Variants in SGCZ observed in about 807,000 individuals in gnomAD.
SGCZ encodes sarcoglycan zeta.
A neutral mutation model predicts 41.3 loss-of-function variants in SGCZ; 40 were observed. The ratio of observed to expected loss-of-function variants is 0.97; its 90% CI spans 0.75 to 1.26. The LOEUF is 1.26. SGCZ is among the 50% of genes most tolerant of loss of function. The pLI, the probability that SGCZ is intolerant of heterozygous loss-of-function variation, is 0.00. For missense variants in SGCZ, 552 were observed against 369.8 expected, an observed-to-expected ratio of 1.49 and a Z score of -4.04; for synonymous variants, 206 against 137.5, an observed-to-expected ratio of 1.50 and a Z score of -3.49.
At chr8:15,209,826 GC>G (rs1801184348) in intron 1 of SGCZ, among the ~76,000 whole-genome samples, 2 of 151,978 alleles carry the variant, frequency 1.3e-5, no homozygotes, top group Non-Finnish European at 2.9e-5. Context: ...ACTTCTCCCA[GC>G]CCCCGGAAGT....
intron 4 of SGCZ, among the ~76,000 whole-genome samples, chr8:14,223,743 A>G (rs1563195733): frequency 2.0e-5 from 3 of 152,216 alleles, no homozygotes. Context: ...ACCCTTAACA[A>G]ACTAAAGATA....
intron 1 of SGCZ, among the ~76,000 whole-genome samples, chr8:14,694,508 C>G (rs1281062129): frequency 6.6e-6 from 1 of 152,142 alleles, no homozygotes; most frequent in Non-Finnish European, 1.5e-5. Context: ...AAATATAGGT[C>G]TTTGGTCTGC....
At chr8:14,933,656 G>C (rs563151960) in intron 1 of SGCZ, among the ~76,000 whole-genome samples, 10 of 151,882 alleles carry the variant, frequency 6.6e-5, no homozygotes, top group African/African-American at 1.9e-4. Context: ...GTTCTACCGT[G>C]TTAGCCAGGA....
chr8:14,394,143 C>CTTTTTTTTT (rs75054512), intron 2 of SGCZ, among the ~76,000 whole-genome samples: 4 of 117,486 alleles, frequency 3.4e-5, no homozygotes, highest in East Asian at 3.4e-4. Context: ...CGCCCCCCAC[C>CTTTTTTTTT]TTTTTTTTTT....
At chr8:14,283,843 G>C (rs567020836) in intron 3 of SGCZ, among the ~76,000 whole-genome samples, 2 of 152,294 alleles carry the variant, frequency 1.3e-5, no homozygotes, top group East Asian at 3.9e-4. Flanking sequence ...TACAAAGCAA[G>C]TGGCAGACTC....
intron 5 of SGCZ, among the ~76,000 whole-genome samples, chr8:14,110,539 A>C (rs1225382190): frequency 4.6e-5 from 7 of 152,184 alleles, no homozygotes; most frequent in Admixed American, 4.6e-4. Flanking sequence ...GAAGAAATAA[A>C]TATGTAATCA....
chr8:14,552,135 C>A (rs1044294134), intron 2 of SGCZ, among the ~76,000 whole-genome samples: 3 of 151,886 alleles, frequency 2.0e-5, no homozygotes, highest in African/African-American at 7.3e-5. Flanking sequence ...TTGGTATTCT[C>A]TGTAGATATG....
chr8:14,222,861 G>A (rs563896949), intron 4 of SGCZ, among the ~76,000 whole-genome samples: 1 of 130,116 alleles, frequency 7.7e-6, no homozygotes, highest in East Asian at 2.5e-4. Flanking sequence ...CGCCCAGGCT[G>A]GTGTGCAGTG....
chr8:14,188,784 T>G (rs1217430772), intron 4 of SGCZ, among the ~76,000 whole-genome samples: 2 of 151,854 alleles, frequency 1.3e-5, no homozygotes, highest in East Asian at 3.9e-4. Flanking sequence ...ATCCCACTTT[T>G]TCCAGATTTC....
In SGCZ at chr8:14,472,757, T is replaced by G. The variant is rs551846419; in HGVS notation, c.234+81975A>C. 3.9e-4 allele frequency among the ~76,000 whole-genome samples: 59 copies of G among 152,244 alleles called. 1 individual carries two copies. The highest frequency in any genetic ancestry group is 1.3e-3 in the African/African-American group (56 of 41,560). ...CATTCAAACTTTATTCTATACAAAT[T>G]TGTTTGTGTATGTAGAATAGTTTAA... On this transcript the variant is annotated intron_variant, in intron 2 of 7. Transcript: ENST00000382080.
At chr8:15,136,655 G>A (rs563700947) in intron 1 of SGCZ, among the ~76,000 whole-genome samples, 2 of 152,164 alleles carry the variant, frequency 1.3e-5, no homozygotes, top group South Asian at 2.1e-4. Context: ...ATTAGTGTCT[G>A]GTATTTTCCC....
At chr8:14,113,940 T>A (rs138275565) in intron 5 of SGCZ, among the ~76,000 whole-genome samples, 7 of 152,178 alleles carry the variant, frequency 4.6e-5, no homozygotes, top group African/African-American at 1.7e-4. Context: ...CTTCTCATTT[T>A]TCAAGATCTG....
rs544541259 is a variant in SGCZ at position 14,507,647 on chromosome 8, A to T, written c.234+47085T>A. ...CTTGGCAGTGATGCTCCAGTCTCAG[A>T]TTCTTTGTCGATGTACTTTCTGCAT... On this transcript the variant is annotated intron_variant, in intron 2 of 7. Coordinates refer to ENST00000382080, the MANE Select transcript of SGCZ (RefSeq NM_139167.4). Among the ~76,000 whole-genome samples the T allele has an allele frequency of 5.1e-4, 77 of 152,212 alleles. No homozygotes were observed. In the South Asian group the frequency reaches 0.016, roughly 31 times the overall value.
At chr8:14,311,341 CA>C (rs1414659433) in intron 3 of SGCZ, among the ~76,000 whole-genome samples, 1 of 152,052 alleles carries the variant, frequency 6.6e-6, no homozygotes, top group Non-Finnish European at 1.5e-5. Flanking sequence ...CATAAAAAAA[CA>C]TAGAACAATA....
In SGCZ at chr8:15,040,580, C is replaced by A. The variant is rs112431036; in HGVS notation, c.39+197005G>T. On this transcript the variant is annotated intron_variant, in intron 1 of 7. Transcript: ENST00000382080. Reference sequence around the variant, plus strand: ...TGGTTGCAGTGAGCCGAGACTGCACCATTGCACTCCAGCCTGGGCAACAAG... The same window carrying A: ...TGGTTGCAGTGAGCCGAGACTGCACAATTGCACTCCAGCCTGGGCAACAAG... 1.5e-3 allele frequency among the ~76,000 whole-genome samples: 222 copies of A among 152,264 alleles called. 1 individual carries two copies. Among genetic ancestry groups the A allele is most frequent in the African/African-American group, 4.9e-3 (202 of 41,534 alleles).
intron 3 of SGCZ, among the ~76,000 whole-genome samples, chr8:14,311,079 T>A (rs1801525977): frequency 1.3e-5 from 2 of 152,170 alleles, no homozygotes; most frequent in Middle Eastern, 6.8e-3. Flanking sequence ...TATAAATAAT[T>A]TTTTTTCTTA....
intron 1 of SGCZ, among the ~76,000 whole-genome samples, chr8:14,779,596 T>C (rs940770725): frequency 6.6e-6 from 1 of 152,192 alleles, no homozygotes; most frequent in South Asian, 2.1e-4. Flanking sequence ...AGATATTCAA[T>C]GAAAAATAAA....
At chr8:14,646,896 A>G (rs1807239528) in intron 1 of SGCZ, among the ~76,000 whole-genome samples, 1 of 151,942 alleles carries the variant, frequency 6.6e-6, no homozygotes, top group Non-Finnish European at 1.5e-5. Context: ...TTATGAGAGT[A>G]TTTCAAAAAT....
chr8:14,270,949 A>C (rs1401800286), intron 3 of SGCZ, among the ~76,000 whole-genome samples: 1 of 152,182 alleles, frequency 6.6e-6, no homozygotes, highest in Non-Finnish European at 1.5e-5. Context: ...TCCCAAGGAC[A>C]AAAAACCAAA....
Sources: gnomAD v4.1 joint callset for allele counts (sites outside exome capture counted in the v4.1 genomes callset) on GRCh38, gnomAD v4.1.1 for gene constraint, MANE v1.5 for transcripts, NCBI Gene and HGNC (gene_info 2026-07-23, HGNC 2026-07-21) for gene names.